GRM7: variants seen among roughly 807,000 people sequenced by gnomAD.
GRM7 encodes glutamate metabotropic receptor 7, also known as metabotropic glutamate receptor 7.
In GRM7, 35 loss-of-function variants were observed where a neutral mutation model predicts 84.5. That is an observed-to-expected ratio of 0.41 (90% CI 0.32 to 0.55). The LOEUF is 0.55. Among genes scored for constraint, GRM7 ranks in the 20% least tolerant of loss-of-function variants. The pLI is 0.19. For synonymous variants in GRM7, 487 were observed against 455.1 expected (o/e 1.07, Z -0.89); for missense variants, 1,003 against 1,194.6 (o/e 0.84, Z 2.36).
chr3:6,870,037 T>C (rs1695070371), intron 1 of GRM7, among the ~76,000 whole-genome samples: 1 of 152,038 alleles, frequency 6.6e-6, no homozygotes, highest in Non-Finnish European at 1.5e-5. Context: ...TTCTTTTTGC[T>C]TCTCCCTCTC....
intron 7 of GRM7, among the ~76,000 whole-genome samples, chr3:7,555,228 AAATT>A (rs1351417826): frequency 6.6e-6 from 1 of 152,194 alleles, no homozygotes; most frequent in Non-Finnish European, 1.5e-5. Context: ...CATTACTGTT[AAATT>A]ATTATTGTGG....
At chr3:6,882,564 G>A (rs1478021678) in intron 1 of GRM7, among the ~76,000 whole-genome samples, 1 of 151,960 alleles carries the variant, frequency 6.6e-6, no homozygotes, top group Non-Finnish European at 1.5e-5. Flanking sequence ...AAAATAAAAA[G>A]TATAAATAAC....
At chr3:7,494,652 G>C (rs1699635826) in intron 7 of GRM7, among the ~76,000 whole-genome samples, 1 of 151,938 alleles carries the variant, frequency 6.6e-6, no homozygotes, top group Non-Finnish European at 1.5e-5. Flanking sequence ...TCAGTCTGTT[G>C]TCTGTTTTTA....
At chr3:7,153,223 A>C (rs7626768) in intron 2 of GRM7, among the ~76,000 whole-genome samples, 91,012 of 148,390 alleles carry the variant, frequency 0.61, 30,161 homozygotes, top group African/African-American at 0.89. Context: ...CCTGGCCTTC[A>C]GAGGGATTCT....
chr3:6,979,226 G>A (rs969892524), intron 1 of GRM7, among the ~76,000 whole-genome samples: 1 of 152,060 alleles, frequency 6.6e-6, no homozygotes, highest in Non-Finnish European at 1.5e-5. Context: ...CATTAACAAG[G>A]GAGTGATTTC....
chr3:7,183,901 A>C (rs533274106), intron 2 of GRM7, among the ~76,000 whole-genome samples: 3 of 152,330 alleles, frequency 2.0e-5, no homozygotes, highest in South Asian at 4.1e-4. Context: ...AGAGAGATTT[A>C]ATTTGGAACA....
intron 2 of GRM7, among the ~76,000 whole-genome samples, chr3:7,256,564 G>C (rs915682170): frequency 5.3e-5 from 8 of 152,056 alleles, no homozygotes; most frequent in Non-Finnish European, 1.0e-4. Context: ...ACCACTTCGA[G>C]GTAGTAATAT....
At chr3:6,967,742 C>T (rs1253857477) in intron 1 of GRM7, among the ~76,000 whole-genome samples, 59 of 152,020 alleles carry the variant, frequency 3.9e-4, no homozygotes, top group Admixed American at 3.9e-3. Flanking sequence ...AATGCTGAAC[C>T]TCAGTGCTTT....
At chr3:7,282,642 C>T (rs1158376165) in intron 2 of GRM7, among the ~76,000 whole-genome samples, 4 of 152,260 alleles carry the variant, frequency 2.6e-5, no homozygotes, top group Non-Finnish European at 5.9e-5. Flanking sequence ...CATTAGGGTG[C>T]CATTATTCTG....
intron 2 of GRM7, among the ~76,000 whole-genome samples, chr3:7,275,905 C>T (rs1467949541): frequency 6.6e-6 from 1 of 151,982 alleles, no homozygotes; most frequent in African/African-American, 2.4e-5. Flanking sequence ...CCACACTGAC[C>T]CTCCAGCAAT....
intron 4 of GRM7, among the ~76,000 whole-genome samples, chr3:7,369,521 C>T (rs537980217): frequency 2.0e-5 from 3 of 151,942 alleles, no homozygotes; most frequent in African/African-American, 7.2e-5. Flanking sequence ...AGAACTGTAA[C>T]TTTTAGCTGG....
chr3:7,249,701 T>G (rs1007069350), intron 2 of GRM7, among the ~76,000 whole-genome samples: 1 of 151,914 alleles, frequency 6.6e-6, no homozygotes, highest in Non-Finnish European at 1.5e-5. Flanking sequence ...ATTTACCACA[T>G]GAAAAAAAAA....
At chr3:7,400,807 C>A (rs1695416693) in intron 4 of GRM7, among the ~76,000 whole-genome samples, 1 of 152,138 alleles carries the variant, frequency 6.6e-6, no homozygotes, top group Non-Finnish European at 1.5e-5. Context: ...TATTCAGATT[C>A]TGCTTTTTAG....
At chr3:7,425,873 T>C (rs565848726) in intron 5 of GRM7, among the ~76,000 whole-genome samples, 19 of 152,200 alleles carry the variant, frequency 1.2e-4, no homozygotes, top group Admixed American at 5.2e-4. Flanking sequence ...AAGTAGTTAT[T>C]GGACTTCTAA....
At chr3:7,404,296 T>TGGCAA (rs1695583905) in intron 4 of GRM7, among the ~76,000 whole-genome samples, 2 of 152,150 alleles carry the variant, frequency 1.3e-5, no homozygotes, top group African/African-American at 4.8e-5. Context: ...GCACTCCTCT[T>TGGCAA]GTAATCTAAA....
intron 1 of GRM7, among the ~76,000 whole-genome samples, chr3:7,052,907 G>A (rs73112851): frequency 0.039 from 5,906 of 151,194 alleles, 310 homozygotes; most frequent in African/African-American, 0.12. Context: ...TTGCATAACT[G>A]CCTAGTAGTG....
intron 4 of GRM7, among the ~76,000 whole-genome samples, chr3:7,380,426 A>C (rs979657936): frequency 6.6e-6 from 1 of 152,218 alleles, no homozygotes. Flanking sequence ...TGTCACCACA[A>C]TATTTCAACT....
At chr3:7,239,709 G>A (rs1343925349) in intron 2 of GRM7, among the ~76,000 whole-genome samples, 1 of 152,156 alleles carries the variant, frequency 6.6e-6, no homozygotes, top group Non-Finnish European at 1.5e-5. Context: ...ATTTTCTGAA[G>A]ACTCTCAAAC....
chr3:6,991,630 C>A (rs949967291), intron 1 of GRM7, among the ~76,000 whole-genome samples: 1 of 151,928 alleles, frequency 6.6e-6, no homozygotes, highest in Non-Finnish European at 1.5e-5. Flanking sequence ...TTTTTTCCAA[C>A]TTTATTGAGG....
Sources: gnomAD v4.1 joint callset for allele counts (sites outside exome capture counted in the v4.1 genomes callset) on GRCh38, gnomAD v4.1.1 for gene constraint, MANE v1.5 for transcripts, NCBI Gene and HGNC (gene_info 2026-07-23, HGNC 2026-07-21) for gene names.